Variants in PRORP observed in about 807,000 individuals in gnomAD.
The protein encoded by PRORP is mitochondrial ribonuclease P catalytic subunit.
PRORP carries 51 observed loss-of-function variants against 59.4 expected under a neutral mutation model. The observed-to-expected ratio is 0.86, with a 90% CI of 0.69 to 1.08. The LOEUF is 1.08. Among genes scored for constraint, PRORP ranks in the 50% least tolerant of loss-of-function variants. The pLI is 0.00. For missense variants in PRORP, 646 were observed against 690.3 expected, an observed-to-expected ratio of 0.94 and a Z score of 0.72; for synonymous variants, 231 against 245.6, an observed-to-expected ratio of 0.94 and a Z score of 0.55.
intron 4 of PRORP, chr14:35,159,051 C>T (rs550911139): frequency 5.6e-5 from 15 of 268,140 alleles, no homozygotes; most frequent in African/African-American, 3.2e-4. Flanking sequence ...AGAAGAACCA[C>T]GGTGCTGCTG....
chr14:35,156,830 G>C (rs17456067), intron 4 of PRORP, among the ~76,000 whole-genome samples: 27,706 of 152,116 alleles, frequency 0.18, 2,646 homozygotes, highest in Middle Eastern at 0.28. Context: ...GAACTTATTC[G>C]CAGAGTAGAT....
chr14:35,161,895 C>A (rs575843647), intron 4 of PRORP, among the ~76,000 whole-genome samples: 1 of 152,156 alleles, frequency 6.6e-6, no homozygotes, highest in Admixed American at 6.5e-5. Context: ...GGAAATGATA[C>A]CTAACTGCTA....
At chr14:35,235,464 GCAGGAAGA>G in intron 5 of PRORP, 1 of 644,662 alleles carries the variant, frequency 1.6e-6, no homozygotes, top group Non-Finnish European at 2.9e-6. Flanking sequence ...CACAAGGCAA[GCAGGAAGA>G]CAACTAGCTT....
At chr14:35,198,962 T>G (rs1323427996) in intron 5 of PRORP, among the ~76,000 whole-genome samples, 2 of 151,828 alleles carry the variant, frequency 1.3e-5, no homozygotes, top group African/African-American at 4.8e-5. Flanking sequence ...ATGTCAGGAG[T>G]TTGAGACCAG....
At chr14:35,170,445 T>C (rs2048287099) in intron 4 of PRORP, among the ~76,000 whole-genome samples, 1 of 152,180 alleles carries the variant, frequency 6.6e-6, no homozygotes, top group South Asian at 2.1e-4. Context: ...ACATTATTTT[T>C]TAAATGTATG....
At chr14:35,251,584 G>C (rs1254631907) in intron 5 of PRORP, among the ~76,000 whole-genome samples, 1 of 152,084 alleles carries the variant, frequency 6.6e-6, no homozygotes, top group African/African-American at 2.4e-5. Context: ...TTTTGAGATG[G>C]AGTCTTACTC....
chr14:35,260,791 C>T (rs181549580), intron 5 of PRORP, among the ~76,000 whole-genome samples: 2 of 152,176 alleles, frequency 1.3e-5, no homozygotes, highest in South Asian at 2.1e-4. Context: ...GGGTATTTAA[C>T]AGTCAAGTGC....
intron 4 of PRORP, among the ~76,000 whole-genome samples, chr14:35,171,934 A>AT (rs1252259808): frequency 6.7e-6 from 1 of 150,044 alleles, no homozygotes; most frequent in African/African-American, 2.5e-5. Context: ...CCCTAGGAAT[A>AT]TTTTATTTCA....
chr14:35,255,861 A>G (rs2050738361), intron 5 of PRORP, among the ~76,000 whole-genome samples: 1 of 152,230 alleles, frequency 6.6e-6, no homozygotes, highest in Non-Finnish European at 1.5e-5. Flanking sequence ...TAAGAGAGAT[A>G]CCAGGCAATT....
At chr14:35,181,740 G>A (rs113199546) in intron 5 of PRORP, among the ~76,000 whole-genome samples, 8,669 of 144,080 alleles carry the variant, frequency 0.06, 473 homozygotes, top group Admixed American at 0.18. Context: ...AGCCGAGGTC[G>A]TGCCATTGCA....
intron 5 of PRORP, among the ~76,000 whole-genome samples, chr14:35,184,761 GAGA>G (rs1347550267): frequency 2.0e-4 from 31 of 152,218 alleles, no homozygotes; most frequent in African/African-American, 7.5e-4. Flanking sequence ...ACTTATAAGT[GAGA>G]ACATGTAGTA....
chr14:35,262,402 A>G, intron 5 of PRORP: 1 of 349,446 alleles, frequency 2.9e-6, no homozygotes, highest in Non-Finnish European at 5.5e-6. Flanking sequence ...AAAATAGCTT[A>G]TAAGATTATG....
At chr14:35,204,858 CT>C (rs1170687103) in intron 5 of PRORP, among the ~76,000 whole-genome samples, 7 of 152,052 alleles carry the variant, frequency 4.6e-5, no homozygotes, top group African/African-American at 1.7e-4. Flanking sequence ...ACATCTTTTG[CT>C]TTTTTTGTTT....
At chr14:35,139,732 C>T (rs1366762233) in intron 4 of PRORP, among the ~76,000 whole-genome samples, 1 of 145,946 alleles carries the variant, frequency 6.9e-6, no homozygotes, top group African/African-American at 2.4e-5. Flanking sequence ...TTTCCTAGGG[C>T]TGCCCTAACA....
intron 5 of PRORP, among the ~76,000 whole-genome samples, chr14:35,189,945 C>G (rs1461464604): frequency 6.7e-6 from 1 of 148,380 alleles, no homozygotes; most frequent in Non-Finnish European, 1.5e-5. Flanking sequence ...CCTGTCTCTA[C>G]TAAAAATACA....
At chr14:35,273,412 T>C in intron 7 of PRORP, 23 bp from the exon 8 acceptor site, 1 of 1,592,942 alleles carries the variant, frequency 6.3e-7, no homozygotes, top group Non-Finnish European at 8.5e-7. Flanking sequence ...TCTCAATGTT[T>C]TGTTCTCTTT....
intron 4 of PRORP, among the ~76,000 whole-genome samples, chr14:35,178,105 A>G (rs979435530): frequency 3.3e-5 from 5 of 152,168 alleles, no homozygotes; most frequent in Admixed American, 2.6e-4. Flanking sequence ...GTGGTCTGAG[A>G]GACAGTTTGT....
At chr14:35,217,869 G>A (rs913830310) in intron 5 of PRORP, among the ~76,000 whole-genome samples, 4 of 152,110 alleles carry the variant, frequency 2.6e-5, no homozygotes, top group African/African-American at 9.7e-5. Context: ...TTTGAAGTCA[G>A]AAAGTGTGGG....
intron 5 of PRORP, among the ~76,000 whole-genome samples, chr14:35,253,501 A>T (rs1197562094): frequency 6.6e-6 from 1 of 152,292 alleles, no homozygotes; most frequent in South Asian, 2.1e-4. Context: ...TGAAGAGGCC[A>T]CAACACTCAG....
Sources: allele counts gnomAD v4.1 joint callset (sites outside exome capture counted in the v4.1 genomes callset), GRCh38; gene constraint gnomAD v4.1.1; transcripts MANE v1.5; gene names NCBI Gene and HGNC (gene_info 2026-07-23, HGNC 2026-07-21).